The following STOX2 variants were observed in gnomAD, a reference collection of about 807,000 sequenced individuals.
STOX2 encodes storkhead box 2.
A neutral mutation model predicts 60.9 loss-of-function variants in STOX2; 28 were observed. The observed-to-expected ratio is 0.46, with a 90% CI of 0.34 to 0.63. STOX2 has a LOEUF of 0.63. Ranked by LOEUF, STOX2 falls within the 30% of genes least tolerant of loss-of-function variation. The pLI is 0.01. For missense variants in STOX2, 1,024 were observed against 1,187.7 expected (o/e 0.86, Z 2.03); for synonymous variants, 472 against 463.9 (o/e 1.02, Z -0.22).
rs573515971 is a variant in STOX2, at chr4:184,009,200, A to G, written c.362A>G (p.Asn121Ser). Residue 121 changes from asparagine to serine, a missense_variant, in exon 3 of 4, where the codon AAC (asparagine) becomes AGC (serine). Transcript: ENST00000308497. The surrounding 1 kb of genome is among the most constrained non-coding windows in gnomAD (Gnocchi z 4.0). ...PSQEILRHTL[N>S]TLVRERKIYP... Reference sequence around the variant, plus strand: ...CAAGAAATTCTGCGGCACACGCTGAACACGCTGGTACGGGAGAGGAAGATC... The same window carrying G: ...CAAGAAATTCTGCGGCACACGCTGAGCACGCTGGTACGGGAGAGGAAGATC... 1.3e-6 allele frequency: 2 copies of G among 1,587,104 alleles called. No individual in the cohort carries two copies. Among genetic ancestry groups the G allele is most frequent in the South Asian group, 2.3e-5 (2 of 86,330 alleles).
intron 1 of STOX2, among the ~76,000 whole-genome samples, chr4:183,942,591 C>G (rs1228655022): frequency 6.6e-6 from 1 of 151,968 alleles, no homozygotes. Flanking sequence ...AAAAAAAAGT[C>G]ATTCCATATT....
intron 3 of STOX2, chr4:184,015,995 G>C (rs1734356204): frequency 6.6e-6 from 1 of 152,202 alleles, no homozygotes; most frequent in Non-Finnish European, 1.5e-5. Context: ...CAATGAAATA[G>C]ATTCAAGTGT....
intron 1 of STOX2, among the ~76,000 whole-genome samples, chr4:183,818,825 A>C (rs1739223900): frequency 6.6e-6 from 1 of 151,686 alleles, no homozygotes; most frequent in Non-Finnish European, 1.5e-5. Context: ...CTCACCTCCC[A>C]GACGGGGTCG....
rs921299337 is a variant in STOX2 at position 183,875,491 on chromosome 4, C to T, written c.364+77436C>T. On this transcript the variant is annotated intron_variant, in intron 1 of 2. Transcript: ENST00000513034. ...ATTTTATGGAGGAGCCTGTGATAGT[C>T]GGGACTGTGTTCCCTGGAGGGCTCC... Among the ~76,000 whole-genome samples, 25 of 152,156 alleles carry T rather than the reference C, an allele frequency of 1.6e-4. 2 individuals carry two copies. The highest frequency in any genetic ancestry group is 1.4e-3 in the Admixed American group (21 of 15,284).
chr4:183,812,557 C>T (rs1488691726), intron 1 of STOX2, among the ~76,000 whole-genome samples: 3 of 152,198 alleles, frequency 2.0e-5, no homozygotes, highest in African/African-American at 4.8e-5. Context: ...ATATGCATTA[C>T]AGTTGTTTCT....
intron 1 of STOX2, among the ~76,000 whole-genome samples, chr4:183,884,648 A>G (rs911844236): frequency 5.9e-5 from 9 of 152,154 alleles, no homozygotes; most frequent in Non-Finnish European, 1.2e-4. Context: ...TAGTGACAGA[A>G]GCCGCGAGCA....
At chr4:183,891,295 A>AAT (rs33925686) in intron 1 of STOX2, among the ~76,000 whole-genome samples, 5 of 8,400 alleles carry the variant, frequency 6.0e-4, no homozygotes, top group East Asian at 3.4e-3. Context: ...TATATGATGG[A>AAT]ATATATATAT....
intron 1 of STOX2, among the ~76,000 whole-genome samples, chr4:183,829,415 T>G (rs1739515028): frequency 6.6e-6 from 1 of 152,238 alleles, no homozygotes; most frequent in East Asian, 1.9e-4. Context: ...TTGTCATTTG[T>G]TTGTCTTTGT....
chr4:183,885,813 C>A (rs1865547), intron 1 of STOX2, among the ~76,000 whole-genome samples: 144,841 of 152,306 alleles, frequency 0.95, 69,333 homozygotes, highest in East Asian at 1. Flanking sequence ...TCCCAAAACC[C>A]GTGAAGGACC....
At chr4:183,923,298 G>GT (rs1284220230) in intron 1 of STOX2, among the ~76,000 whole-genome samples, 3 of 152,124 alleles carry the variant, frequency 2.0e-5, no homozygotes, top group African/African-American at 4.8e-5. Flanking sequence ...GTTATTTTCT[G>GT]TTTTTTTCCT....
upstream of STOX2, among the ~76,000 whole-genome samples, chr4:183,905,199 C>T (rs1741553138): frequency 6.6e-6 from 1 of 152,210 alleles, no homozygotes; most frequent in Non-Finnish European, 1.5e-5. Flanking sequence ...ACCTCCGGGT[C>T]CCAGGCCCGC....
At chr4:183,945,048 G>A (rs1742849239) in intron 1 of STOX2, among the ~76,000 whole-genome samples, 1 of 152,212 alleles carries the variant, frequency 6.6e-6, no homozygotes, top group Non-Finnish European at 1.5e-5. Context: ...TGTCCTGGGA[G>A]AATTGATGGT....
At chr4:183,857,165 C>T (rs1579340639) in intron 1 of STOX2, among the ~76,000 whole-genome samples, 1 of 151,640 alleles carries the variant, frequency 6.6e-6, no homozygotes, top group East Asian at 1.9e-4. Flanking sequence ...GGTTATCCTG[C>T]AGGTCTGGTC....
intron 1 of STOX2, among the ~76,000 whole-genome samples, chr4:183,936,295 A>T (rs1317583415): frequency 6.6e-6 from 1 of 152,140 alleles, no homozygotes; most frequent in Non-Finnish European, 1.5e-5. Context: ...CGTGTAGCCT[A>T]GCCTAGCCCA....
chr4:183,874,919 G>A (rs71638111), intron 1 of STOX2, among the ~76,000 whole-genome samples: 7 of 42,808 alleles, frequency 1.6e-4, no homozygotes, highest in Non-Finnish European at 2.3e-4. Flanking sequence ...GCGAGACTCC[G>A]CCTCAAAAAA....
At chr4:183,930,130 C>T (rs1742377171) in intron 1 of STOX2, among the ~76,000 whole-genome samples, 1 of 150,128 alleles carries the variant, frequency 6.7e-6, no homozygotes, top group South Asian at 2.1e-4. Context: ...TCCCAAAGTG[C>T]TGGGATTACA....
chr4:183,832,652 G>A (rs149453332), intron 1 of STOX2, among the ~76,000 whole-genome samples: 2,381 of 151,810 alleles, frequency 0.016, 55 homozygotes, highest in Middle Eastern at 0.068. Context: ...CACCATGCCC[G>A]GCTAATTTTT....
intron 1 of STOX2, among the ~76,000 whole-genome samples, chr4:183,818,365 C>T (rs573100009): frequency 3.3e-5 from 5 of 152,256 alleles, no homozygotes; most frequent in Non-Finnish European, 5.9e-5. Flanking sequence ...TTAATCCATT[C>T]AACCCTGAGT....
At chr4:183,798,584 C>A in intron 1 of STOX2, 2 of 975,822 alleles carry the variant, frequency 2.0e-6, no homozygotes, top group African/African-American at 1.7e-5. Flanking sequence ...GAGTGTTGCG[C>A]GCACGCATTT....
Sources: allele counts gnomAD v4.1 joint callset (sites outside exome capture counted in the v4.1 genomes callset), GRCh38; gene constraint gnomAD v4.1.1; non-coding constraint Gnocchi (gnomAD v3.1); transcripts MANE v1.5; gene names NCBI Gene and HGNC (gene_info 2026-07-23, HGNC 2026-07-21).